Variants in SLC24A3 observed in about 807,000 individuals in gnomAD.
The protein encoded by SLC24A3 is solute carrier family 24 member 3.
A neutral mutation model predicts 75.8 loss-of-function variants in SLC24A3; 28 were observed. The observed-to-expected ratio is 0.37, with a 90% CI of 0.27 to 0.51. The LOEUF (loss-of-function observed/expected upper bound fraction) is 0.51. Among genes scored for constraint, SLC24A3 ranks in the 20% least tolerant of loss-of-function variants. The pLI, the probability that SLC24A3 is intolerant of heterozygous loss-of-function variation, is 0.94. For synonymous variants in SLC24A3, 372 were observed against 334.1 expected, an observed-to-expected ratio of 1.11 and a Z score of -1.24; for missense variants, 663 against 847.8, an observed-to-expected ratio of 0.78 and a Z score of 2.71.
chr20:19,563,406 G>T lies in SLC24A3; in HGVS notation c.349-16594G>T, dbSNP rs182555398. ...ACTTGAAAGAAAATAACAATGAAAG[G>T]AAAATGGGAGATATTTTGCAGAATT... On this transcript the variant is annotated intron_variant, in intron 3 of 16. Transcript: ENST00000328041. Among the ~76,000 whole-genome samples the T allele has an allele frequency of 1.5e-4, 23 of 152,266 alleles. No homozygotes were observed. In the East Asian group the frequency reaches 4.1e-3, roughly 27 times the overall value.
chr20:19,716,594 A>G (rs2122175991), intron 15 of SLC24A3, among the ~76,000 whole-genome samples: 1 of 152,116 alleles, frequency 6.6e-6, no homozygotes. Flanking sequence ...CATGCTTGTA[A>G]TGAGCCACTT....
chr20:19,605,222 T>G (rs2031580708), intron 6 of SLC24A3, among the ~76,000 whole-genome samples: 1 of 152,214 alleles, frequency 6.6e-6, no homozygotes, highest in Non-Finnish European at 1.5e-5. Flanking sequence ...ACAAAGTGTA[T>G]GATTGATCAG....
intron 2 of SLC24A3, among the ~76,000 whole-genome samples, chr20:19,361,261 G>C (rs1412309231): frequency 3.3e-5 from 5 of 152,196 alleles, no homozygotes; most frequent in Non-Finnish European, 4.4e-5. Context: ...GAGGCTGCTG[G>C]ATATCTCAGA....
At chr20:19,672,600 A>C (rs185360319) in intron 8 of SLC24A3, among the ~76,000 whole-genome samples, 2 of 152,178 alleles carry the variant, frequency 1.3e-5, no homozygotes, top group Non-Finnish European at 2.9e-5. Flanking sequence ...GCCTCCCAAA[A>C]TGCTGGGATT....
chr20:19,361,014 A>G lies in SLC24A3; in HGVS notation c.271+79927A>G, dbSNP rs529113508. ...GCTAATTTTTTTGTATTTTTAGTAG[A>G]GACGGGATTTCACCGTGTTAGCCAG... On this transcript the variant is annotated intron_variant, in intron 2 of 16. Coordinates refer to ENST00000328041, the MANE Select transcript of SLC24A3 (RefSeq NM_020689.4). 8.7e-4 allele frequency among the ~76,000 whole-genome samples: 133 copies of G among 152,248 alleles called. 1 individual carries two copies. Among genetic ancestry groups the G allele is most frequent in the African/African-American group, 3.1e-3 (128 of 41,552 alleles).
At chr20:19,707,655 T>C (rs1335434093) in intron 15 of SLC24A3, among the ~76,000 whole-genome samples, 1 of 152,178 alleles carries the variant, frequency 6.6e-6, no homozygotes, top group African/African-American at 2.4e-5. Flanking sequence ...ATTAATAAGA[T>C]TTTCTGACAG....
intron 2 of SLC24A3, among the ~76,000 whole-genome samples, chr20:19,476,449 G>A (rs536516849): frequency 1.3e-5 from 2 of 152,272 alleles, no homozygotes; most frequent in East Asian, 1.9e-4. Flanking sequence ...TTTAGGTTTG[G>A]TGATGATCTT....
chr20:19,326,861 T>G (rs1343777833), intron 2 of SLC24A3, among the ~76,000 whole-genome samples: 1 of 152,130 alleles, frequency 6.6e-6, no homozygotes, highest in Non-Finnish European at 1.5e-5. Context: ...TTGTCCTTTT[T>G]AAAATACAGA....
chr20:19,329,049 G>A (rs1033722529), intron 2 of SLC24A3, among the ~76,000 whole-genome samples: 3 of 152,174 alleles, frequency 2.0e-5, no homozygotes, highest in African/African-American at 7.2e-5. Flanking sequence ...CGACTCCAAG[G>A]CCATTAGTGA....
At chr20:19,435,675 C>T (rs1255905717) in intron 2 of SLC24A3, among the ~76,000 whole-genome samples, 1 of 152,184 alleles carries the variant, frequency 6.6e-6, no homozygotes, top group African/African-American at 2.4e-5. Flanking sequence ...AAGCACTGAC[C>T]TGTAGACTCA....
chr20:19,382,084 C>T (rs896737686), intron 2 of SLC24A3, among the ~76,000 whole-genome samples: 3 of 152,238 alleles, frequency 2.0e-5, no homozygotes, highest in African/African-American at 7.2e-5. Context: ...TGCCACGTGT[C>T]AGTTCTCAGC....
intron 6 of SLC24A3, among the ~76,000 whole-genome samples, chr20:19,606,586 A>G (rs2031600369): frequency 6.6e-6 from 1 of 152,328 alleles, no homozygotes; most frequent in South Asian, 2.1e-4. Flanking sequence ...AACTCAGGGA[A>G]GTAACCGCTT....
chr20:19,604,137 A>G (rs1354480259), intron 6 of SLC24A3, among the ~76,000 whole-genome samples: 2 of 152,206 alleles, frequency 1.3e-5, no homozygotes, highest in African/African-American at 2.4e-5. Context: ...CTGTGCTGCC[A>G]GAGGGAAGGT....
At chr20:19,339,374 A>G (rs1985216887) in intron 2 of SLC24A3, among the ~76,000 whole-genome samples, 2 of 152,198 alleles carry the variant, frequency 1.3e-5, no homozygotes, top group South Asian at 2.1e-4. Flanking sequence ...ATGAAGAATC[A>G]GTAAGAATAT....
chr20:19,400,448 T>G (rs1986530823), intron 2 of SLC24A3, among the ~76,000 whole-genome samples: 1 of 152,196 alleles, frequency 6.6e-6, no homozygotes, highest in African/African-American at 2.4e-5. Flanking sequence ...TTTCCAGTCT[T>G]GCTGTTGAGA....
At chr20:19,453,057 T>G (rs1340927201) in intron 2 of SLC24A3, among the ~76,000 whole-genome samples, 1 of 152,200 alleles carries the variant, frequency 6.6e-6, no homozygotes, top group East Asian at 1.9e-4. Context: ...GGCGGGCGCC[T>G]GTAATCCCAG....
rs146181534 is a variant in SLC24A3 at position 19,415,977 on chromosome 20, G to A, written c.272-99511G>A. ...AAGCAAAGGTCAGGGGTTCAGACAG[G>A]CCTGGCTTTGAATTATATCTCTCCT... On this transcript the variant is annotated intron_variant, in intron 2 of 16. Transcript: ENST00000328041. 1.8e-3 allele frequency among the ~76,000 whole-genome samples: 273 copies of A among 152,320 alleles called. 1 individual carries two copies. The highest frequency in any genetic ancestry group is 6.1e-3 in the African/African-American group (253 of 41,572).
intron 6 of SLC24A3, among the ~76,000 whole-genome samples, chr20:19,607,608 T>A (rs1481289379): frequency 6.6e-6 from 1 of 152,214 alleles, no homozygotes; most frequent in East Asian, 1.9e-4. Context: ...CTCAGCTTCA[T>A]GGCCGACTGT....
intron 1 of SLC24A3, among the ~76,000 whole-genome samples, chr20:19,219,742 A>G (rs1981656052): frequency 6.6e-6 from 1 of 152,254 alleles, no homozygotes; most frequent in Admixed American, 6.5e-5. Context: ...CAGTTTTAAC[A>G]TGAAAATCAA....
Sources: gnomAD v4.1 joint callset for allele counts (sites outside exome capture counted in the v4.1 genomes callset) on GRCh38, gnomAD v4.1.1 for gene constraint, MANE v1.5 for transcripts, NCBI Gene and HGNC (gene_info 2026-07-23, HGNC 2026-07-21) for gene names.